The following NRXN1 variants were observed in gnomAD, a reference collection of about 807,000 sequenced individuals.
NRXN1 encodes neurexin 1.
NRXN1 carries 39 observed loss-of-function variants against 150.9 expected under a neutral mutation model. The ratio of observed to expected loss-of-function variants is 0.26; its 90% CI spans 0.20 to 0.34. The LOEUF (loss-of-function observed/expected upper bound fraction) is 0.34. Ranked by LOEUF, NRXN1 falls within the 10% of genes least tolerant of loss-of-function variation. The probability of loss-of-function intolerance (pLI) is 1.00; values close to 1 mark genes in which losing one functional copy is unlikely to be tolerated. For missense variants in NRXN1, 1,815 were observed against 1,949.9 expected (o/e 0.93, Z 1.30); for synonymous variants, 924 against 757.0 (o/e 1.22, Z -3.62).
intron 18 of NRXN1, among the ~76,000 whole-genome samples, chr2:50,185,368 A>G (rs1470676171): frequency 6.6e-6 from 1 of 152,010 alleles, no homozygotes; most frequent in Non-Finnish European, 1.5e-5. Context: ...TTAACTTGCT[A>G]TTACCATATT....
chr2:50,428,763 T>A (rs2084707140), intron 17 of NRXN1, among the ~76,000 whole-genome samples: 1 of 152,178 alleles, frequency 6.6e-6, no homozygotes, highest in African/African-American at 2.4e-5. Flanking sequence ...TATATCCCTA[T>A]GCTAAGAGGT....
At chr2:51,001,814 T>C (rs1239112221) in intron 2 of NRXN1, among the ~76,000 whole-genome samples, 2 of 151,850 alleles carry the variant, frequency 1.3e-5, no homozygotes, top group African/African-American at 2.4e-5. Flanking sequence ...AGCAGGAAGG[T>C]CACTCTCATC....
intron 18 of NRXN1, among the ~76,000 whole-genome samples, chr2:50,107,543 T>TTTC (rs1701840408): frequency 9.7e-6 from 1 of 103,034 alleles, no homozygotes; most frequent in Non-Finnish European, 2.0e-5. Context: ...ATATATATTT[T>TTTC]TTTTTTTTAC....
At chr2:50,664,385 A>C (rs1462503664) in intron 5 of NRXN1, among the ~76,000 whole-genome samples, 2 of 142,252 alleles carry the variant, frequency 1.4e-5, no homozygotes, top group Admixed American at 1.4e-4. Context: ...TTGAGAATTC[A>C]AAGTTTAAAG....
At chr2:50,250,169 G>A (rs2066906561) in intron 17 of NRXN1, among the ~76,000 whole-genome samples, 1 of 152,044 alleles carries the variant, frequency 6.6e-6, no homozygotes, top group African/African-American at 2.4e-5. Flanking sequence ...ATGATTAAGT[G>A]ACTGTCTCCC....
chr2:50,959,104 A>C (rs2104669558), intron 2 of NRXN1, among the ~76,000 whole-genome samples: 1 of 152,246 alleles, frequency 6.6e-6, no homozygotes, highest in East Asian at 1.9e-4. Flanking sequence ...GACAATAACA[A>C]GTGTCGGTGA....
At chr2:50,922,782 CT>C in intron 3 of NRXN1, 95 bp from the exon 4 acceptor site, 1 of 1,194,686 alleles carries the variant, frequency 8.4e-7, no homozygotes, top group Non-Finnish European at 1.2e-6. Flanking sequence ...ACAGACATCT[CT>C]TTTCCTATGA....
At chr2:49,938,347 A>C (rs1671407099) in intron 22 of NRXN1, among the ~76,000 whole-genome samples, 1 of 152,196 alleles carries the variant, frequency 6.6e-6, no homozygotes, top group African/African-American at 2.4e-5. Flanking sequence ...GCGCAGAATA[A>C]ATCTTCACCA....
intron 18 of NRXN1, among the ~76,000 whole-genome samples, chr2:50,100,515 T>G (rs911489186): frequency 1.3e-5 from 2 of 152,236 alleles, no homozygotes; most frequent in Non-Finnish European, 2.9e-5. Context: ...TTTTAAGATA[T>G]TCTCAATTTT....
chr2:50,400,327 T>C (rs2082314332), intron 17 of NRXN1, among the ~76,000 whole-genome samples: 1 of 152,042 alleles, frequency 6.6e-6, no homozygotes, highest in Non-Finnish European at 1.5e-5. Flanking sequence ...ATGATAATTG[T>C]TTATTCATCT....
intron 2 of NRXN1, among the ~76,000 whole-genome samples, chr2:51,010,881 C>T (rs1264981334): frequency 6.6e-6 from 1 of 151,802 alleles, no homozygotes; most frequent in Non-Finnish European, 1.5e-5. Context: ...AACTCCCAGC[C>T]TCAAGCAATC....
chr2:50,689,156 T>A (rs990227940), intron 5 of NRXN1, among the ~76,000 whole-genome samples: 1 of 152,082 alleles, frequency 6.6e-6, no homozygotes, highest in East Asian at 1.9e-4. Flanking sequence ...TATATGTAAG[T>A]TTGTTATATT....
At chr2:50,280,313 A>G (rs980339024) in intron 17 of NRXN1, among the ~76,000 whole-genome samples, 3 of 151,894 alleles carry the variant, frequency 2.0e-5, no homozygotes, top group Non-Finnish European at 2.9e-5. Flanking sequence ...TTAGAAGTCA[A>G]CTATTCACTT....
chr2:50,097,428 T>C (rs766146439), intron 18 of NRXN1, among the ~76,000 whole-genome samples: 29 of 152,146 alleles, frequency 1.9e-4, no homozygotes, highest in Non-Finnish European at 3.4e-4. Context: ...CAAATCTACA[T>C]TGTTGATTGA....
intron 17 of NRXN1, among the ~76,000 whole-genome samples, chr2:50,424,323 A>AGGAGGAGGGGGAGGAGGAGGG: frequency 1.2e-5 from 1 of 84,210 alleles, no homozygotes; most frequent in Non-Finnish European, 2.4e-5. Context: ...GAGGAGGAGG[A>AGGAGGAGGGGGAGGAGGAGGG]GGAGGAGGGG....
At chr2:50,558,883 C>A (rs1424806507) in intron 8 of NRXN1, among the ~76,000 whole-genome samples, 1 of 152,026 alleles carries the variant, frequency 6.6e-6, no homozygotes, top group Non-Finnish European at 1.5e-5. Context: ...GAGATAGAGA[C>A]CATCCTGGCT....
At chr2:50,415,149 C>A (rs10188271) in intron 17 of NRXN1, among the ~76,000 whole-genome samples, 1 of 151,754 alleles carries the variant, frequency 6.6e-6, no homozygotes, top group Non-Finnish European at 1.5e-5. Context: ...AGTTTTAGTG[C>A]TTTTAAAATT....
chr2:50,466,300 A>G (rs894079780), intron 16 of NRXN1, among the ~76,000 whole-genome samples: 1 of 151,802 alleles, frequency 6.6e-6, no homozygotes, highest in Non-Finnish European at 1.5e-5. Context: ...TATACAAACT[A>G]TGCTACAAAG....
chr2:50,760,498 T>C (rs886999529), intron 5 of NRXN1, among the ~76,000 whole-genome samples: 4 of 151,810 alleles, frequency 2.6e-5, no homozygotes, highest in African/African-American at 9.7e-5. Context: ...GGAACCATCT[T>C]CTCCACTGGA....
Sources: gnomAD v4.1 joint callset for allele counts (sites outside exome capture counted in the v4.1 genomes callset) on GRCh38, gnomAD v4.1.1 for gene constraint, MANE v1.5 for transcripts, NCBI Gene and HGNC (gene_info 2026-07-23, HGNC 2026-07-21) for gene names.